The following POLE variants were observed in gnomAD, a reference collection of about 807,000 sequenced individuals.
POLE encodes the protein DNA polymerase epsilon catalytic subunit A.
In POLE, 188 loss-of-function variants were observed where a neutral mutation model predicts 279.2. The ratio of observed to expected loss-of-function variants is 0.67; its 90% CI spans 0.60 to 0.76. The LOEUF (loss-of-function observed/expected upper bound fraction) is 0.76. Among genes scored for constraint, POLE ranks in the 30% least tolerant of loss-of-function variants. The pLI is 0.00. For missense variants in POLE, 2,703 were observed against 3,016.7 expected (o/e 0.90, Z 2.44); for synonymous variants, 1,214 against 1,172.5 (o/e 1.04, Z -0.72).
chr12:132,639,844 G>A lies in POLE; in HGVS notation c.5379-546C>T, dbSNP rs2042105917. Among the ~76,000 whole-genome samples, 1 of 152,198 alleles carries A rather than the reference G, an allele frequency of 6.6e-6. No individual in the cohort carries two copies. The highest frequency in any genetic ancestry group is 1.5e-5 in the Non-Finnish European group (1 of 68,040). On this transcript the variant is annotated intron_variant, in intron 39 of 48. Coordinates refer to ENST00000320574, the MANE Select transcript of POLE (RefSeq NM_006231.4). The surrounding 1 kb of genome is among the most constrained non-coding windows in gnomAD (Gnocchi z 4.7). ...ATGCCTGTAATCCTGCTACTCGGGAGGCTAAGGCAGGAGAATCGCTTGAAC... is the reference window on the plus strand; with the variant it reads ...ATGCCTGTAATCCTGCTACTCGGGAAGCTAAGGCAGGAGAATCGCTTGAAC...
At chr12:132,651,938 C>T (rs778025421) in intron 29 of POLE, among the ~76,000 whole-genome samples, 2 of 152,242 alleles carry the variant, frequency 1.3e-5, no homozygotes, top group Admixed American at 6.5e-5. Flanking sequence ...TTTGGGGTTA[C>T]TTGCTATGCA....
In POLE at chr12:132,641,657, T is replaced by TA. The variant is rs959133191; in HGVS notation, c.5367dup (p.Asn1790Ter). 2 of 1,613,940 alleles carry TA rather than the reference T, an allele frequency of 1.2e-6. No homozygotes were observed. Among genetic ancestry groups the TA allele is most frequent in the African/African-American group, 1.3e-5 (1 of 75,046 alleles). On this transcript the variant is annotated frameshift_variant, in exon 39 of 49. Transcript: ENST00000320574. LOFTEE classifies it high-confidence loss of function. Reference sequence around the variant, plus strand: ...CAGAGAGGGTGGCACCTGAAGGTGTTAGAGCACAGGGCTGTCTCATCGTAG... The same window carrying TA: ...CAGAGAGGGTGGCACCTGAAGGTGTTAAGAGCACAGGGCTGTCTCATCGTAG...
rs2042140823 is a variant in POLE, at chr12:132,641,518, T to C, written c.5378+129A>G. ...AGACTATGGAAAACTCGCCACACAG[T>C]GGTCTCTGGCTCTGCCATTAAGACT... On this transcript the variant is annotated intron_variant, in intron 39 of 48. Transcript: ENST00000320574. 5 of 749,540 alleles carry C rather than the reference T, an allele frequency of 6.7e-6. No individual in the cohort carries two copies. The East Asian group carries it at 1.3e-4, about 20-fold the overall frequency. The allele number at this position is 749,540 out of a possible 1,614,324, so 46.4% of individuals were successfully genotyped here.
chr12:132,647,448 TA>T (rs75347196), intron 32 of POLE, among the ~76,000 whole-genome samples: 3,922 of 142,912 alleles, frequency 0.027, 136 homozygotes, highest in African/African-American at 0.058. Context: ...TTATCTTGCT[TA>T]AAAAAAAAAA....
chr12:132,660,512 C>G (rs536901738), intron 25 of POLE: 1 of 152,856 alleles, frequency 6.5e-6, no homozygotes, highest in East Asian at 1.9e-4. Context: ...AATGTGAAAC[C>G]TATCTGGTAG....
intron 32 of POLE, among the ~76,000 whole-genome samples, chr12:132,648,350 G>T (rs1485785676): frequency 1.3e-5 from 2 of 151,834 alleles, no homozygotes; most frequent in Non-Finnish European, 2.9e-5. Context: ...GGGGTGAGGG[G>T]AGGGGGAATA....
chr12:132,669,077 A>C, intron 16 of POLE, 138 bp from the exon 17 acceptor site: 1 of 732,256 alleles, frequency 1.4e-6, no homozygotes, highest in Non-Finnish European at 2.1e-6. Context: ...AGAAGAAAAA[A>C]GTTAAGAAGG....
rs1800920872 is a variant in POLE at position 132,634,490 on chromosome 12, G to C, written c.5812-112C>G. 2 of 1,044,830 alleles carry C rather than the reference G, an allele frequency of 1.9e-6. No homozygotes were observed. The highest frequency in any genetic ancestry group is 4.3e-5 in the Admixed American group (2 of 46,068). 64.7% of individuals were successfully genotyped at this position (1,044,830 alleles called of 1,614,324 possible). A position where few individuals can be genotyped will look rare whatever the true frequency, so the allele number is the denominator to read the frequency against. On this transcript the variant is annotated intron_variant, in intron 42 of 48. Coordinates refer to ENST00000320574, the MANE Select transcript of POLE (RefSeq NM_006231.4). This position sits in a 1 kb window ranked among gnomAD's most constrained non-coding sequence, Gnocchi z 4.0. ...TGGGTCCATCTGCCCCGTTTGACCA[G>C]AGGCCTTCCTCGCAGTCAAGGCATC...
In POLE at chr12:132,667,656, C is replaced by T. The variant is rs117409343; in HGVS notation, c.2174-8G>A. The T allele has an allele frequency of 0.014, 22,548 of 1,613,788 alleles. 188 individuals carry two copies. Among genetic ancestry groups the T allele is most frequent in the Non-Finnish European group, 0.016 (19,328 of 1,179,872 alleles). ...AGGCTTTCCGGCAGTAATCTAAGCA[C>T]GACGGAGATGGGCAGAGCAGGTGGG... On this transcript the variant is annotated splice_region_variant and splice_polypyrimidine_tract_variant and intron_variant, in intron 19 of 48. Transcript: ENST00000320574.
Position 132,673,611 on chromosome 12 carries a change from C to T in POLE, c.1323G>A (p.Pro441=), listed in dbSNP as rs116573514. The T allele has an allele frequency of 1.8e-3, 2,888 of 1,613,658 alleles. 86 individuals are homozygous for T. The East Asian group carries it at 0.06, about 34-fold the overall frequency. ...KLGYDPVELD[P]EDMCRMATEQ... ...CCGTGGCCATCCGGCACATGTCCTC[C>T]GGGTCTAGCTCCACGGGATCATAGC... Residue 441 remains proline (P), a synonymous_variant, in exon 13 of 49, where the codon CCG becomes CCA. Transcript: ENST00000320574.
At chr12:132,625,864 C>T (rs1411147629) in intron 46 of POLE, 94 bp from the exon 47 acceptor site, 9 of 1,507,944 alleles carry the variant, frequency 6.0e-6, no homozygotes, top group African/African-American at 1.4e-5. Flanking sequence ...CTGTGAGAAG[C>T]GCCTGGTGAC....
chr12:132,672,594 G>A, intron 15 of POLE, 33 bp downstream of exon 15: 1 of 1,599,124 alleles, frequency 6.3e-7, no homozygotes, highest in Non-Finnish European at 8.6e-7. Context: ...GCACAAGAGT[G>A]GGAAGAATCT....
intron 41 of POLE, among the ~76,000 whole-genome samples, chr12:132,636,441 GA>G (rs60289510): frequency 0.011 from 491 of 44,466 alleles, 2 homozygotes; most frequent in Middle Eastern, 0.028. Context: ...TCCATTTAAG[GA>G]AAAAAAAAAA....
Position 132,681,218 on chromosome 12 carries a change from C to A in POLE, c.124G>T (p.Asp42Tyr), listed in dbSNP as rs2136034354. The A allele has an allele frequency of 6.2e-7, 1 of 1,614,226 alleles. No homozygotes were observed. Reference sequence around the variant, plus strand: ...AAACCAAACCGCAAATCCATCTTATCCGTCCACTGACTCCGTTCCAGGCGC... The same window carrying A: ...AAACCAAACCGCAAATCCATCTTATACGTCCACTGACTCCGTTCCAGGCGC... Reference protein sequence around the residue: ...LKRLERSQWTDKMDLRFGFER... With the variant: ...LKRLERSQWTYKMDLRFGFER... The change falls in exon 2 of 49, where the codon GAT becomes TAT. Residue 42 changes from aspartate to tyrosine, a missense_variant. Asp to Tyr is a radical substitution (Grantham distance 160). Transcript: ENST00000320574.
intron 20 of POLE, among the ~76,000 whole-genome samples, chr12:132,665,833 C>T (rs1331300915): frequency 1.3e-5 from 2 of 152,152 alleles, no homozygotes; most frequent in African/African-American, 4.8e-5. Context: ...TTTTTAAAGG[C>T]TGGGTATTTA....
At chr12:132,656,707 GCTTA>G (rs1435070165) in intron 29 of POLE, among the ~76,000 whole-genome samples, 1 of 152,162 alleles carries the variant, frequency 6.6e-6, no homozygotes, top group African/African-American at 2.4e-5. Context: ...CTGATTTATA[GCTTA>G]CTTTTAATTT....
At position 132,679,938 on chromosome 12, in the gene POLE, T is replaced by C; in HGVS notation, c.423+16A>G. The C allele has an allele frequency of 6.3e-7, 1 of 1,575,510 alleles. No individual in the cohort carries two copies. The highest frequency in any genetic ancestry group is 1.4e-5 in the African/African-American group (1 of 73,894). On this transcript the variant is annotated intron_variant, in intron 5 of 48. Coordinates refer to ENST00000320574, the MANE Select transcript of POLE (RefSeq NM_006231.4). ...TCTGGCCTCATTTACCCCTGGAAAG[T>C]CTGGGTGATACTCACCAAGTCCAGA...
At chr12:132,659,259 G>A (rs1204152955) in intron 26 of POLE, 36 bp downstream of exon 26, 1 of 1,592,400 alleles carries the variant, frequency 6.3e-7, no homozygotes, top group East Asian at 2.2e-5. Flanking sequence ...GTGATGGGAG[G>A]AGCCCTCACC....
At position 132,677,417 on chromosome 12, in the gene POLE, T is replaced by C. The variant is rs1002061657; in HGVS notation, c.747A>G (p.Arg249=). 6.2e-7 allele frequency: 1 copy of C among 1,614,014 alleles called. No individual in the cohort carries two copies. Among genetic ancestry groups the C allele is most frequent in the African/African-American group, 1.3e-5 (1 of 74,930 alleles). ...HVAHWYNVRY[R]GNAFPVEITR... is the part of the protein sequence containing the mutation. ...TGATTTCTACCGGAAAAGCATTTCC[T>C]CGGTATCTGACATTGTACCAATGAG... Residue 249 remains arginine, a synonymous_variant, in exon 8 of 49, where the codon CGA becomes CGG. Coordinates refer to ENST00000320574, the MANE Select transcript of POLE (RefSeq NM_006231.4).
Sources: gnomAD v4.1 joint callset for allele counts (sites outside exome capture counted in the v4.1 genomes callset) on GRCh38, gnomAD v4.1.1 for gene constraint, Gnocchi (gnomAD v3.1) non-coding constraint, MANE v1.5 for transcripts, NCBI Gene and HGNC (gene_info 2026-07-23, HGNC 2026-07-21) for gene names.